Variants in MCTP2 observed in about 807,000 individuals in gnomAD.
MCTP2 encodes the protein multiple C2 and transmembrane domain-containing protein 2.
MCTP2 carries 132 observed loss-of-function variants against 111.6 expected under a neutral mutation model. The ratio of observed to expected loss-of-function variants is 1.18; its 90% CI spans 1.03 to 1.37. MCTP2 has a LOEUF of 1.37. Ranked by LOEUF, MCTP2 falls within the 40% of genes most tolerant of loss-of-function variation. The pLI, the probability that MCTP2 is intolerant of heterozygous loss-of-function variation, is 0.00. For synonymous variants in MCTP2, 395 were observed against 387.7 expected, an observed-to-expected ratio of 1.02 and a Z score of -0.22; for missense variants, 1,183 against 1,067.9, an observed-to-expected ratio of 1.11 and a Z score of -1.50.
Position 94,465,058 on chromosome 15 carries a change from G to A in MCTP2, c.2361-5275G>A, listed in dbSNP as rs140511703. Among the ~76,000 whole-genome samples, 874 of 152,078 alleles carry A rather than the reference G, an allele frequency of 5.7e-3. 5 individuals are homozygous for A. The highest frequency in any genetic ancestry group is 0.02 in the African/African-American group (821 of 41,532). Reference sequence around the variant, plus strand: ...TTAGATGTGTTTAAACTTCACTGTCGTTGTACATTTGTCTAATCCTCCCTT... The same window carrying A: ...TTAGATGTGTTTAAACTTCACTGTCATTGTACATTTGTCTAATCCTCCCTT... On this transcript the variant is annotated intron_variant, in intron 20 of 22. Transcript: ENST00000357742.
intron 1 of MCTP2, among the ~76,000 whole-genome samples, chr15:94,272,207 A>G (rs773661610): frequency 2.0e-5 from 3 of 151,250 alleles, no homozygotes; most frequent in Non-Finnish European, 4.4e-5. Context: ...AATGGCTAAG[A>G]CAATTTTTTT....
intron 17 of MCTP2, among the ~76,000 whole-genome samples, chr15:94,428,779 A>AGT (rs1269108404): frequency 3.9e-5 from 6 of 152,194 alleles, no homozygotes; most frequent in Admixed American, 1.3e-4. Flanking sequence ...TCTGTTAATT[A>AGT]GTGTACCCAT....
At chr15:94,454,336 A>T (rs2084663121) in intron 19 of MCTP2, among the ~76,000 whole-genome samples, 1 of 152,196 alleles carries the variant, frequency 6.6e-6, no homozygotes, top group Non-Finnish European at 1.5e-5. Context: ...GTTGGCTGTG[A>T]TGCACTAATT....
At chr15:94,287,240 CT>C (rs35719673) in intron 1 of MCTP2, among the ~76,000 whole-genome samples, 35,572 of 149,560 alleles carry the variant, frequency 0.24, 4,609 homozygotes, top group Admixed American at 0.32. Flanking sequence ...TTTAAGAGCA[CT>C]TTTTTTTTTT....
intron 2 of MCTP2, among the ~76,000 whole-genome samples, chr15:94,307,616 G>A (rs294541): frequency 0.47 from 71,203 of 151,960 alleles, 18,505 homozygotes; most frequent in African/African-American, 0.67. Context: ...ATGCACAGGA[G>A]CCCCATGGGC....
At chr15:94,243,839 A>T (rs1280575710) in intron 1 of MCTP2, among the ~76,000 whole-genome samples, 1 of 147,536 alleles carries the variant, frequency 6.8e-6, no homozygotes, top group African/African-American at 2.5e-5. Context: ...GTATATATTT[A>T]TGTACACATA....
In MCTP2 at chr15:94,479,136, C is replaced by A; in HGVS notation, c.*102C>A. 2.6e-6 allele frequency: 3 copies of A among 1,151,454 alleles called. No homozygotes were observed. Among genetic ancestry groups the A allele is most frequent in the African/African-American group, 1.5e-5 (1 of 66,004 alleles). The allele number at this position is 1,151,454 out of a possible 1,614,324, so 71.3% of individuals were successfully genotyped here. On this transcript the variant is annotated 3_prime_UTR_variant, in exon 23 of 23. Coordinates refer to ENST00000357742, the MANE Select transcript of MCTP2 (RefSeq NM_001385001.1). ...GTACCCAAGGTGTCCTTCTGAAATG[C>A]ATGCCCTGTGGCACCCTCTGTATAC...
At chr15:94,457,059 A>G (rs899162453) in intron 19 of MCTP2, among the ~76,000 whole-genome samples, 1 of 152,186 alleles carries the variant, frequency 6.6e-6, no homozygotes, top group Non-Finnish European at 1.5e-5. Context: ...GTCCTCTTAA[A>G]TTTAGAAGTG....
chr15:94,255,922 T>G (rs2072735113), intron 1 of MCTP2, among the ~76,000 whole-genome samples: 1 of 152,204 alleles, frequency 6.6e-6, no homozygotes, highest in Non-Finnish European at 1.5e-5. Flanking sequence ...TTACTTCTGT[T>G]AATGAAGCAC....
chr15:94,402,366 T>C, intron 17 of MCTP2: 1 of 1,481,108 alleles, frequency 6.8e-7, no homozygotes, highest in Non-Finnish European at 9.0e-7. Context: ...GACTAAATAA[T>C]AACTGAATTG....
chr15:94,460,126 A>G (rs867157607), intron 20 of MCTP2, among the ~76,000 whole-genome samples: 4 of 152,228 alleles, frequency 2.6e-5, no homozygotes, highest in Non-Finnish European at 5.9e-5. Context: ...GTAATAGCCA[A>G]TTAGAATTCA....
At chr15:94,328,028 C>T (rs1316444994) in intron 4 of MCTP2, among the ~76,000 whole-genome samples, 6 of 152,012 alleles carry the variant, frequency 3.9e-5, no homozygotes, top group Non-Finnish European at 8.8e-5. Context: ...TGCCTTACAC[C>T]CAACCAAACA....
intron 1 of MCTP2, among the ~76,000 whole-genome samples, chr15:94,254,575 C>T (rs914032655): frequency 3.9e-5 from 6 of 152,174 alleles, no homozygotes; most frequent in South Asian, 2.1e-4. Flanking sequence ...CTAAATTATC[C>T]ACTTCATTTG....
At chr15:94,258,112 G>C (rs1291440049) in intron 1 of MCTP2, among the ~76,000 whole-genome samples, 1 of 143,896 alleles carries the variant, frequency 6.9e-6, no homozygotes, top group African/African-American at 2.6e-5. Context: ...CTGACCTCAA[G>C]TAACCTGCCT....
intron 17 of MCTP2, among the ~76,000 whole-genome samples, chr15:94,422,125 G>C (rs2082655292): frequency 6.6e-6 from 1 of 152,146 alleles, no homozygotes; most frequent in Non-Finnish European, 1.5e-5. Context: ...TTGATACTTG[G>C]TGTGTTCAGT....
intron 2 of MCTP2, among the ~76,000 whole-genome samples, chr15:94,308,614 T>C (rs1366611872): frequency 1.3e-5 from 2 of 152,244 alleles, no homozygotes; most frequent in Non-Finnish European, 2.9e-5. Context: ...TTTTTTAAAG[T>C]ATCTCCTGTT....
chr15:94,235,248 C>G (rs1567236052), intron 1 of MCTP2, among the ~76,000 whole-genome samples: 1 of 123,924 alleles, frequency 8.1e-6, no homozygotes, highest in Non-Finnish European at 1.7e-5. Context: ...GAGCGAAACT[C>G]CGTCTCAAAA....
At chr15:94,409,071 GGT>G (rs2082031972) in intron 17 of MCTP2, among the ~76,000 whole-genome samples, 1 of 152,166 alleles carries the variant, frequency 6.6e-6, no homozygotes, top group African/African-American at 2.4e-5. Context: ...ATTGATCCTG[GGT>G]GTGTCTGTGA....
At chr15:94,400,618 TTC>T (rs1450312742) in intron 16 of MCTP2, among the ~76,000 whole-genome samples, 1 of 151,728 alleles carries the variant, frequency 6.6e-6, no homozygotes, top group African/African-American at 2.4e-5. Context: ...TTTTTTTTTT[TTC>T]CGTGACCTTT....
Sources: allele counts gnomAD v4.1 joint callset (sites outside exome capture counted in the v4.1 genomes callset), GRCh38; gene constraint gnomAD v4.1.1; transcripts MANE v1.5; gene names NCBI Gene and HGNC (gene_info 2026-07-23, HGNC 2026-07-21).